MTURN: variants seen among roughly 807,000 people sequenced by gnomAD.
MTURN encodes maturin, neural progenitor differentiation regulator homolog, also known as maturin.
MTURN carries 7 observed loss-of-function variants against 14.9 expected under a neutral mutation model. That is an observed-to-expected ratio of 0.47 (90% CI 0.27 to 0.88). The LOEUF (loss-of-function observed/expected upper bound fraction) is 0.88. Among genes scored for constraint, MTURN ranks in the 40% least tolerant of loss-of-function variants. The pLI is 0.14. For missense variants in MTURN, 151 were observed against 174.1 expected, an observed-to-expected ratio of 0.87 and a Z score of 0.75; for synonymous variants, 69 against 72.5, an observed-to-expected ratio of 0.95 and a Z score of 0.25.
chr7:30,145,770 A>G, intron 1 of MTURN: 2 of 1,410,286 alleles, frequency 1.4e-6, no homozygotes, highest in Non-Finnish European at 1.9e-6. Context: ...ATGCTTAATT[A>G]ATCTTTCAGC....
rs1185436457 is a variant in MTURN, at chr7:30,157,606, TGC to T, written c.*59_*60del. 4.5e-6 allele frequency: 6 copies of T among 1,320,938 alleles called. No individual in the cohort carries two copies. Among genetic ancestry groups the T allele is most frequent in the Non-Finnish European group, 5.2e-6 (5 of 965,672 alleles). 81.8% of individuals were successfully genotyped at this position (1,320,938 alleles called of 1,614,324 possible). On this transcript the variant is annotated 3_prime_UTR_variant, in exon 3 of 3. Transcript: ENST00000324453. ...CCCACAGTAACCTAGGTGGGGTCACTGCCCCTCCTGGGTTAGCATTTTGCATT... is the reference window on the plus strand; with the variant it reads ...CCCACAGTAACCTAGGTGGGGTCACTCCCTCCTGGGTTAGCATTTTGCATT...
Position 30,135,146 on chromosome 7 carries a change from C to A in MTURN, c.10C>A (p.Gln4Lys), listed in dbSNP as rs1201176193. Residue 4 changes from glutamine to lysine, a missense_variant, in exon 1 of 3, where the codon CAG becomes AAG. Physicochemically the swap from Gln to Lys is moderately conservative, Grantham distance 53. Coordinates refer to ENST00000324453, the MANE Select transcript of MTURN (RefSeq NM_152793.3). Reference protein sequence around the residue: MDFQQLADVAEKWC... With the variant: MDFKQLADVAEKWC... ...CGGGCGCGGGGCCGCGATGGATTTCCAGCAGCTGGCCGACGTTGCGGAGAA... is the reference window on the plus strand; with the variant it reads ...CGGGCGCGGGGCCGCGATGGATTTCAAGCAGCTGGCCGACGTTGCGGAGAA... The A allele has an allele frequency of 1.4e-6, 2 of 1,458,274 alleles. No homozygotes were observed. The allele number at this position is 1,458,274 out of a possible 1,614,324, so 90.3% of individuals were successfully genotyped here.
chr7:30,147,321 C>G (rs1473013534), intron 2 of MTURN, among the ~76,000 whole-genome samples: 1 of 152,190 alleles, frequency 6.6e-6, no homozygotes. Context: ...GTACCTTACT[C>G]CAGAGAGGAT....
At chr7:30,142,888 C>A (rs1047124232) in intron 1 of MTURN, among the ~76,000 whole-genome samples, 3 of 152,216 alleles carry the variant, frequency 2.0e-5, no homozygotes, top group African/African-American at 4.8e-5. Context: ...GCTAGAGGTT[C>A]TCTGATTCCT....
chr7:30,148,533 C>T (rs1797161019), intron 2 of MTURN, among the ~76,000 whole-genome samples: 2 of 152,314 alleles, frequency 1.3e-5, no homozygotes, highest in East Asian at 3.9e-4. Flanking sequence ...ACAGAGAGGC[C>T]ATTGAGGCCA....
At chr7:30,156,513 A>G (rs1221829454) in intron 2 of MTURN, among the ~76,000 whole-genome samples, 1 of 151,854 alleles carries the variant, frequency 6.6e-6, no homozygotes, top group Non-Finnish European at 1.5e-5. Flanking sequence ...AAAAATATAT[A>G]TATACATACA....
At chr7:30,150,967 T>G (rs1797203150) in intron 2 of MTURN, among the ~76,000 whole-genome samples, 1 of 152,212 alleles carries the variant, frequency 6.6e-6, no homozygotes. Flanking sequence ...GAAGTCAGAC[T>G]GAGAACCCAA....
intron 2 of MTURN, among the ~76,000 whole-genome samples, chr7:30,154,429 C>T (rs1344052466): frequency 6.6e-6 from 1 of 152,196 alleles, no homozygotes; most frequent in Non-Finnish European, 1.5e-5. Context: ...ACTCTCTTGG[C>T]CACTCCCAGT....
At chr7:30,147,136 T>A (rs1797141798) in intron 2 of MTURN, among the ~76,000 whole-genome samples, 1 of 152,272 alleles carries the variant, frequency 6.6e-6, no homozygotes, top group Non-Finnish European at 1.5e-5. Flanking sequence ...TAAGCTTGGT[T>A]GCATAGTAGA....
intron 1 of MTURN, among the ~76,000 whole-genome samples, chr7:30,137,954 T>A (rs1306775323): frequency 1.3e-5 from 2 of 152,094 alleles, no homozygotes; most frequent in Non-Finnish European, 2.9e-5. Flanking sequence ...ACAAATAGGG[T>A]CTCTGCCTTC....
Position 30,159,346 on chromosome 7 carries a change from C to A in MTURN, c.*1798C>A, listed in dbSNP as rs1044712503. The A allele has an allele frequency of 2.0e-5, 3 of 152,140 alleles. No individual in the cohort carries two copies. Among genetic ancestry groups the A allele is most frequent in the African/African-American group, 7.2e-5 (3 of 41,418 alleles). 9.4% of individuals were successfully genotyped at this position (152,140 alleles called of 1,614,324 possible). On this transcript the variant is annotated 3_prime_UTR_variant, in exon 3 of 3. Coordinates refer to ENST00000324453, the MANE Select transcript of MTURN (RefSeq NM_152793.3). ...AGCTGTATATTACACAGGTGTCGCCCAGGTTTCGTAACCTCCACTTTAATG... is the reference window on the plus strand; with the variant it reads ...AGCTGTATATTACACAGGTGTCGCCAAGGTTTCGTAACCTCCACTTTAATG...
chr7:30,152,065 G>C (rs545079914), intron 2 of MTURN, among the ~76,000 whole-genome samples: 1 of 152,122 alleles, frequency 6.6e-6, no homozygotes, highest in South Asian at 2.1e-4. Flanking sequence ...GGGTGGATCA[G>C]GGAAAGTCTG....
chr7:30,151,085 GC>G, intron 2 of MTURN, among the ~76,000 whole-genome samples: 1 of 152,148 alleles, frequency 6.6e-6, no homozygotes, highest in African/African-American at 2.4e-5. Flanking sequence ...GATGCAGCCG[GC>G]CACCTTCCCT....
Position 30,157,558 on chromosome 7 carries a change from C to A in MTURN, c.*10C>A, listed in dbSNP as rs1470491791. ...GGTCAGCCAGCAGTAAATCTGGGGG[C>A]TCCCCTGAGAAGGAGAGTGAGCCCC... On this transcript the variant is annotated 3_prime_UTR_variant, in exon 3 of 3. Coordinates refer to ENST00000324453, the MANE Select transcript of MTURN (RefSeq NM_152793.3). 1.9e-6 allele frequency: 3 copies of A among 1,588,318 alleles called. No individual in the cohort carries two copies. The highest frequency in any genetic ancestry group is 1.4e-5 in the African/African-American group (1 of 73,488).
intron 1 of MTURN, 110 bp downstream of exon 1, chr7:30,135,408 G>A: frequency 3.2e-6 from 3 of 942,364 alleles, no homozygotes; most frequent in Non-Finnish European, 2.7e-6. Context: ...AGAGTGGGGG[G>A]CCGTAACCCG....
chr7:30,149,611 C>T (rs76393609), intron 2 of MTURN, among the ~76,000 whole-genome samples: 2,656 of 152,272 alleles, frequency 0.017, 34 homozygotes, highest in Non-Finnish European at 0.027. Context: ...TAGAGCACTG[C>T]TTCCCAATGG....
rs898759682 is a variant in MTURN, at chr7:30,162,236, T to A, written c.*4688T>A. 1 of 152,206 alleles carries A rather than the reference T, an allele frequency of 6.6e-6. No individual in the cohort carries two copies. The highest frequency in any genetic ancestry group is 2.4e-5 in the African/African-American group (1 of 41,452). The allele number at this position is 152,206 out of a possible 1,614,324, so 9.4% of individuals were successfully genotyped here. Reference sequence around the variant, plus strand: ...GACAGTCTGTTCTTTGTAAACTGCCTTTCCCTGTTTTTCTGTTTTGTTTTG... The same window carrying A: ...GACAGTCTGTTCTTTGTAAACTGCCATTCCCTGTTTTTCTGTTTTGTTTTG... On this transcript the variant is annotated 3_prime_UTR_variant, in exon 3 of 3. Coordinates refer to ENST00000324453, the MANE Select transcript of MTURN (RefSeq NM_152793.3).
intron 2 of MTURN, among the ~76,000 whole-genome samples, chr7:30,147,308 A>G (rs1797143667): frequency 6.6e-6 from 1 of 152,214 alleles, no homozygotes; most frequent in Non-Finnish European, 1.5e-5. Flanking sequence ...GCCTGAGATG[A>G]CAGTACCTTA....
At position 30,157,878 on chromosome 7, in the gene MTURN, G is replaced by A. The variant is rs940927825; in HGVS notation, c.*330G>A. ...TAACATTCGCTGACTCGAATGTAGA[G>A]AACTCTGAATGTATTAAGGATAGGT... On this transcript the variant is annotated 3_prime_UTR_variant, in exon 3 of 3. Transcript: ENST00000324453. 1.8e-5 allele frequency: 3 copies of A among 167,130 alleles called. No individual in the cohort carries two copies. Among genetic ancestry groups the A allele is most frequent in the African/African-American group, 7.2e-5 (3 of 41,726 alleles). 10.4% of individuals were successfully genotyped at this position (167,130 alleles called of 1,614,324 possible).
Sources: gnomAD v4.1 joint callset for allele counts (sites outside exome capture counted in the v4.1 genomes callset) on GRCh38, gnomAD v4.1.1 for gene constraint, MANE v1.5 for transcripts, NCBI Gene and HGNC (gene_info 2026-07-23, HGNC 2026-07-21) for gene names.